Variants in SLC1A4 observed in about 807,000 individuals in gnomAD.
SLC1A4 encodes the protein neutral amino acid transporter A.
SLC1A4 carries 19 observed loss-of-function variants against 37.7 expected under a neutral mutation model. That is an observed-to-expected ratio of 0.50 (90% CI 0.35 to 0.74). The LOEUF is 0.74. Ranked by LOEUF, SLC1A4 falls within the 30% of genes least tolerant of loss-of-function variation. The probability of loss-of-function intolerance (pLI) is 0.01; values close to 1 mark genes in which losing one functional copy is unlikely to be tolerated. For synonymous variants in SLC1A4, 299 were observed against 309.8 expected, an observed-to-expected ratio of 0.97 and a Z score of 0.37; for missense variants, 570 against 712.9, an observed-to-expected ratio of 0.80 and a Z score of 2.28.
rs751859031 is a variant in SLC1A4, at chr2:64,989,619, C to G, written c.-25C>G. The G allele has an allele frequency of 5.4e-5, 80 of 1,471,906 alleles. 1 individual carries two copies. In the Middle Eastern group the frequency reaches 2.0e-3, roughly 37 times the overall value. The allele number at this position is 1,471,906 out of a possible 1,614,324, so 91.2% of individuals were successfully genotyped here. ...CCAGAGCCCACGTCCCCTGCCACCT[C>G]TAGCTCGGAGCGGCGTGTAGCGCCA... On this transcript the variant is annotated 5_prime_UTR_variant, in exon 1 of 8. Coordinates refer to ENST00000234256, the MANE Select transcript of SLC1A4 (RefSeq NM_003038.5).
chr2:64,989,423 G>T lies in SLC1A4; in HGVS notation c.-221G>T, dbSNP rs905215918. The T allele has an allele frequency of 2.5e-6, 1 of 396,498 alleles. No homozygotes were observed. Among genetic ancestry groups the T allele is most frequent in the Non-Finnish European group, 4.4e-6 (1 of 226,914 alleles). 24.6% of individuals were successfully genotyped at this position (396,498 alleles called of 1,614,324 possible). ...CATCTCCAGCCGGCGGCTGCTCCAG[G>T]GAGGCTGGGCGCGATCCTCTCCGCC... is the stretch of plus-strand genomic sequence containing the variant. On this transcript the variant is annotated 5_prime_UTR_variant, in exon 1 of 8. Coordinates refer to ENST00000234256, the MANE Select transcript of SLC1A4 (RefSeq NM_003038.5).
intron 4 of SLC1A4, among the ~76,000 whole-genome samples, chr2:65,013,678 T>C (rs1674013400): frequency 6.6e-6 from 1 of 152,168 alleles, no homozygotes; most frequent in African/African-American, 2.4e-5. Flanking sequence ...TTACACAGAA[T>C]TGAAGTTTAA....
chr2:65,014,273 T>A (rs1380043055), intron 4 of SLC1A4, among the ~76,000 whole-genome samples: 4 of 152,288 alleles, frequency 2.6e-5, no homozygotes, highest in Middle Eastern at 3.4e-3. Flanking sequence ...AGAGTTCTGA[T>A]TACTGAAAAA....
intron 7 of SLC1A4, 145 bp from the exon 8 acceptor site, chr2:65,020,767 G>A: frequency 3.1e-6 from 2 of 655,488 alleles, no homozygotes; most frequent in South Asian, 3.7e-5. Flanking sequence ...TTAGAATAAG[G>A]TAAAGCCAAT....
Position 65,018,686 on chromosome 2 carries a change from A to T in SLC1A4, c.1364+7A>T, listed in dbSNP as rs774926083. On this transcript the variant is annotated splice_region_variant and intron_variant, in intron 7 of 7. Transcript: ENST00000234256. This position sits in a 1 kb window ranked among gnomAD's most constrained non-coding sequence, Gnocchi z 4.3. ...TGGCTGTGGACTGGATTGTGTAAGT[A>T]ACAAGTCCTGAGAACACCAAAAAGA... 1.2e-6 allele frequency: 2 copies of T among 1,614,110 alleles called. No individual in the cohort carries two copies. Among genetic ancestry groups the T allele is most frequent in the Non-Finnish European group, 1.7e-6 (2 of 1,180,016 alleles).
Position 64,989,940 on chromosome 2 carries a change from G to A in SLC1A4, c.297G>A (p.Val99=). 1.9e-6 allele frequency: 3 copies of A among 1,568,080 alleles called. No individual in the cohort carries two copies. In the South Asian group the frequency reaches 3.5e-5, roughly 18 times the overall value. ...IILPLVVCSL[V]SGAASLDASC... ...TGCCGCTGGTGGTCTGCAGCCTGGT[G>A]TCGGGCGCCGCCTCGCTCGATGCCA... Residue 99 remains valine, a synonymous_variant, in exon 1 of 8, where the codon GTG becomes GTA. Coordinates refer to ENST00000234256, the MANE Select transcript of SLC1A4 (RefSeq NM_003038.5).
At chr2:65,017,524 G>T (rs1274950742) in intron 5 of SLC1A4, among the ~76,000 whole-genome samples, 4 of 151,780 alleles carry the variant, frequency 2.6e-5, no homozygotes, top group Non-Finnish European at 4.4e-5. Context: ...AGGGAAGGAA[G>T]TTCCTCTGGC....
chr2:65,019,806 G>C (rs1030549933), intron 7 of SLC1A4, among the ~76,000 whole-genome samples: 4 of 152,204 alleles, frequency 2.6e-5, no homozygotes, highest in Non-Finnish European at 5.9e-5. Flanking sequence ...TGGAGAAGAG[G>C]CATCAAAGAG....
rs956371833 is a variant in SLC1A4 at position 65,018,951 on chromosome 2, C to A, written c.1364+272C>A. ...GTAAAGCAGGGGTCCACAGCTGAGG[C>A]CCTCAGCGCAGGCCCAAGGGACACG... On this transcript the variant is annotated intron_variant, in intron 7 of 7. Transcript: ENST00000234256. The surrounding 1 kb of genome is among the most constrained non-coding windows in gnomAD (Gnocchi z 4.3). Among the ~76,000 whole-genome samples, 6 of 152,222 alleles carry A rather than the reference C, an allele frequency of 3.9e-5. No homozygotes were observed. Among genetic ancestry groups the A allele is most frequent in the African/African-American group, 1.4e-4 (6 of 41,462 alleles).
At position 65,023,773 on chromosome 2, in the gene SLC1A4, T is replaced by C. The variant is rs1325660367; in HGVS notation, c.*2627T>C. ...TTCTAACATGTTGTGGTAAATCTGT[T>C]CAGATACTGCTCATCTGACTGTTTT... On this transcript the variant is annotated 3_prime_UTR_variant, in exon 8 of 8. Transcript: ENST00000234256. 6.5e-6 allele frequency: 1 copy of C among 152,698 alleles called. No homozygotes were observed. Among genetic ancestry groups the C allele is most frequent in the Non-Finnish European group, 1.5e-5 (1 of 68,044 alleles). The allele number at this position is 152,698 out of a possible 1,614,324, so 9.5% of individuals were successfully genotyped here.
Position 65,021,169 on chromosome 2 carries a change from C to T in SLC1A4, c.*23C>T, listed in dbSNP as rs759080160. ...TGATGGGGCTGGGCTTTGGGCTTGCCTGCCAGCAGTGATGTCCCACCCTGT... is the reference window on the plus strand; with the variant it reads ...TGATGGGGCTGGGCTTTGGGCTTGCTTGCCAGCAGTGATGTCCCACCCTGT... On this transcript the variant is annotated 3_prime_UTR_variant, in exon 8 of 8. Coordinates refer to ENST00000234256, the MANE Select transcript of SLC1A4 (RefSeq NM_003038.5). The T allele has an allele frequency of 1.3e-6, 2 of 1,588,804 alleles. No individual in the cohort carries two copies. The highest frequency in any genetic ancestry group is 3.3e-5 in the Admixed American group (2 of 59,704).
chr2:65,002,567 A>ATTTTTTTTTTTTTTTTTTT (rs1324825931), intron 2 of SLC1A4, among the ~76,000 whole-genome samples: 2 of 115,526 alleles, frequency 1.7e-5, no homozygotes, highest in Non-Finnish European at 3.4e-5. Flanking sequence ...TCCTGTGACC[A>ATTTTTTTTTTTTTTTTTTT]TTCTTTTTTT....
chr2:65,009,284 A>C (rs1231801784), intron 3 of SLC1A4, among the ~76,000 whole-genome samples: 1 of 152,112 alleles, frequency 6.6e-6, no homozygotes, highest in Non-Finnish European at 1.5e-5. Context: ...GAGGCAGGAG[A>C]ATCACTTGAA....
In SLC1A4 at chr2:65,021,284, G is replaced by A; in HGVS notation, c.*138G>A. ...GCTTTGGCCCAGTCGCTGGCCTGAGGCTTACCTCTCGGCACTGGCATTGGG... is the reference window on the plus strand; with the variant it reads ...GCTTTGGCCCAGTCGCTGGCCTGAGACTTACCTCTCGGCACTGGCATTGGG... On this transcript the variant is annotated 3_prime_UTR_variant, in exon 8 of 8. Transcript: ENST00000234256. 1 of 680,560 alleles carries A rather than the reference G, an allele frequency of 1.5e-6. No individual in the cohort carries two copies. Among genetic ancestry groups the A allele is most frequent in the Non-Finnish European group, 2.5e-6 (1 of 403,436 alleles). The allele number at this position is 680,560 out of a possible 1,614,324, so 42.2% of individuals were successfully genotyped here.
In SLC1A4 at chr2:64,989,740, C is replaced by T. The variant is rs768608182; in HGVS notation, c.97C>T (p.Arg33Trp). The T allele has an allele frequency of 1.4e-6, 2 of 1,441,574 alleles. No individual in the cohort carries two copies. The highest frequency in any genetic ancestry group is 1.8e-6 in the Non-Finnish European group (2 of 1,103,330). The allele number at this position is 1,441,574 out of a possible 1,614,324, so 89.3% of individuals were successfully genotyped here. Residue 33 changes from arginine (R) to tryptophan (W), a missense_variant, in exon 1 of 8, where the codon CGG becomes TGG. Physicochemically the swap from Arg to Trp is moderately radical, Grantham distance 101. Coordinates refer to ENST00000234256, the MANE Select transcript of SLC1A4 (RefSeq NM_003038.5). ...GAPGTAAGRA[R>W]RCAGFLRRQA... ...TCCGGGGACCGCGGCGGGACGCGCACGGCGTTGCGCGGGCTTCCTGCGGCG... is the reference window on the plus strand; with the variant it reads ...TCCGGGGACCGCGGCGGGACGCGCATGGCGTTGCGCGGGCTTCCTGCGGCG...
At chr2:65,001,370 C>A in intron 1 of SLC1A4, 78 bp from the exon 2 acceptor site, 1 of 1,355,844 alleles carries the variant, frequency 7.4e-7, no homozygotes, top group Non-Finnish European at 1.1e-6. Context: ...CCACTGCACT[C>A]CAGCCTGGGC....
At chr2:64,992,475 G>T (rs1439419474) in intron 1 of SLC1A4, among the ~76,000 whole-genome samples, 2 of 152,186 alleles carry the variant, frequency 1.3e-5, no homozygotes, top group African/African-American at 4.8e-5. Context: ...GCTTGCTGGG[G>T]ATAGGTATTG....
At chr2:65,014,263 A>G (rs558801669) in intron 4 of SLC1A4, among the ~76,000 whole-genome samples, 1 of 152,372 alleles carries the variant, frequency 6.6e-6, no homozygotes, top group African/African-American at 2.4e-5. Flanking sequence ...ATAGAAAAAA[A>G]GAGTTCTGAT....
intron 5 of SLC1A4, 68 bp downstream of exon 5, chr2:65,016,741 T>C (rs1674154905): frequency 2.1e-6 from 2 of 968,072 alleles, no homozygotes; most frequent in African/African-American, 1.6e-5. Flanking sequence ...AGCCCAGTGG[T>C]AGATGCACAA....
Sources: gnomAD v4.1 joint callset for allele counts (sites outside exome capture counted in the v4.1 genomes callset) on GRCh38, gnomAD v4.1.1 for gene constraint, Gnocchi (gnomAD v3.1) non-coding constraint, MANE v1.5 for transcripts, NCBI Gene and HGNC (gene_info 2026-07-23, HGNC 2026-07-21) for gene names.